IGF1R: variants seen among roughly 807,000 people sequenced by gnomAD.
The protein encoded by IGF1R is insulin-like growth factor 1 receptor.
Under a neutral mutation model 144.6 loss-of-function variants are expected in IGF1R, and 44 were observed. That is an observed-to-expected ratio of 0.30 (90% confidence interval 0.24 to 0.39). The LOEUF (loss-of-function observed/expected upper bound fraction) is 0.39. IGF1R is among the 10% of genes least tolerant of loss of function. The pLI is 1.00. For synonymous variants in IGF1R, 795 were observed against 722.8 expected, an observed-to-expected ratio of 1.10 and a Z score of -1.60; for missense variants, 1,355 against 1,833.7, an observed-to-expected ratio of 0.74 and a Z score of 4.77.
intron 2 of IGF1R, among the ~76,000 whole-genome samples, chr15:98,872,794 G>A (rs562317431): frequency 6.6e-6 from 1 of 151,668 alleles, no homozygotes. Flanking sequence ...AGCAGAGGAT[G>A]AACTTAAGCA....
At position 98,793,084 on chromosome 15, in the gene IGF1R, A is replaced by G. The variant is rs143961505; in HGVS notation, c.640+84977A>G. 3.6e-3 allele frequency among the ~76,000 whole-genome samples: 541 copies of G among 152,298 alleles called. 7 individuals are homozygous for G. Among genetic ancestry groups the G allele is most frequent in the African/African-American group, 0.012 (512 of 41,564 alleles). On this transcript the variant is annotated intron_variant, in intron 2 of 20. Coordinates refer to ENST00000650285, the MANE Select transcript of IGF1R (RefSeq NM_000875.5). ...GCAAGAGAACCTCCAGGGCCTGGCCACTGTTAGATATTACTAATCTGTGAA... is the reference window on the plus strand; with the variant it reads ...GCAAGAGAACCTCCAGGGCCTGGCCGCTGTTAGATATTACTAATCTGTGAA...
At chr15:98,702,825 C>T (rs1260091799) in intron 1 of IGF1R, among the ~76,000 whole-genome samples, 1 of 152,006 alleles carries the variant, frequency 6.6e-6, no homozygotes, top group African/African-American at 2.4e-5. Context: ...GTGGTCCCAG[C>T]TGCTTGGGAG....
intron 2 of IGF1R, among the ~76,000 whole-genome samples, chr15:98,724,012 C>G (rs2054304761): frequency 6.6e-6 from 1 of 152,014 alleles, no homozygotes; most frequent in Non-Finnish European, 1.5e-5. Flanking sequence ...GCAGTTTAGG[C>G]CAATCCATTT....
At chr15:98,806,797 A>G (rs2056481410) in intron 2 of IGF1R, among the ~76,000 whole-genome samples, 1 of 152,214 alleles carries the variant, frequency 6.6e-6, no homozygotes, top group Admixed American at 6.5e-5. Flanking sequence ...CCATACATCC[A>G]TAAAACATTG....
At chr15:98,936,847 G>C (rs1284649460) in intron 17 of IGF1R, among the ~76,000 whole-genome samples, 1 of 151,980 alleles carries the variant, frequency 6.6e-6, no homozygotes, top group African/African-American at 2.4e-5. Flanking sequence ...GCCTCTTCCT[G>C]GTTCACTCAC....
Position 98,963,034 on chromosome 15 carries a change from T to A in IGF1R, c.*5592T>A, listed in dbSNP as rs2017285264. 8.6e-6 allele frequency: 2 copies of A among 233,714 alleles called. No individual in the cohort carries two copies. The highest frequency in any genetic ancestry group is 1.2e-4 in the East Asian group (2 of 16,592). 14.5% of individuals were successfully genotyped at this position (233,714 alleles called of 1,614,324 possible). A position where few individuals can be genotyped will look rare whatever the true frequency, so the allele number is the denominator to read the frequency against. ...TAGCGTTTTCAATAGGGCTCTTAAGTCCAGTAGATTACGGGTAGTCAGTTG... is the reference window on the plus strand; with the variant it reads ...TAGCGTTTTCAATAGGGCTCTTAAGACCAGTAGATTACGGGTAGTCAGTTG... On this transcript the variant is annotated 3_prime_UTR_variant, in exon 21 of 21. Coordinates refer to ENST00000650285, the MANE Select transcript of IGF1R (RefSeq NM_000875.5).
At chr15:98,773,163 T>C (rs1426154734) in intron 2 of IGF1R, among the ~76,000 whole-genome samples, 1 of 152,166 alleles carries the variant, frequency 6.6e-6, no homozygotes, top group African/African-American at 2.4e-5. Context: ...CTTTTTTGTT[T>C]TGTTTCTATA....
chr15:98,745,136 G>A (rs561086630), intron 2 of IGF1R, among the ~76,000 whole-genome samples: 1 of 152,328 alleles, frequency 6.6e-6, no homozygotes, highest in Admixed American at 6.5e-5. Context: ...AGCTAATATA[G>A]GGAGAAGGAA....
chr15:98,911,732 GC>G (rs1406308610), intron 7 of IGF1R, among the ~76,000 whole-genome samples: 3 of 152,186 alleles, frequency 2.0e-5, no homozygotes, highest in Non-Finnish European at 2.9e-5. Flanking sequence ...GGGAAAGCTT[GC>G]TTTTTCCAGA....
At chr15:98,720,336 TA>T (rs2054218040) in intron 2 of IGF1R, among the ~76,000 whole-genome samples, 1 of 152,242 alleles carries the variant, frequency 6.6e-6, no homozygotes, top group Non-Finnish European at 1.5e-5. Flanking sequence ...TGGCCTCTTC[TA>T]CTGACTTTCC....
intron 11 of IGF1R, among the ~76,000 whole-genome samples, chr15:98,922,906 A>G (rs1303990978): frequency 2.6e-5 from 4 of 152,172 alleles, no homozygotes; most frequent in African/African-American, 9.7e-5. Context: ...GTTGTTAGAC[A>G]CTGCCTGTCA....
chr15:98,907,832 TC>T (rs1157982455), intron 5 of IGF1R, among the ~76,000 whole-genome samples: 1 of 152,206 alleles, frequency 6.6e-6, no homozygotes. Context: ...TGGGCTTTGG[TC>T]CTCCACCACC....
intron 1 of IGF1R, among the ~76,000 whole-genome samples, chr15:98,685,540 C>G (rs1417662266): frequency 1.3e-5 from 2 of 152,234 alleles, no homozygotes; most frequent in Non-Finnish European, 2.9e-5. Context: ...CTGGGCACCT[C>G]TTCCTCTGTG....
chr15:98,679,506 C>T (rs535742995), intron 1 of IGF1R, among the ~76,000 whole-genome samples: 319 of 152,240 alleles, frequency 2.1e-3, no homozygotes, highest in Non-Finnish European at 3.4e-3. Context: ...AGTGCTGTCC[C>T]CTAGGGATAT....
rs527929313 is a variant in IGF1R at position 98,772,048 on chromosome 15, C to T, written c.640+63941C>T. Among the ~76,000 whole-genome samples, 97 of 152,260 alleles carry T rather than the reference C, an allele frequency of 6.4e-4. 1 individual carries two copies. The highest frequency in any genetic ancestry group is 1.7e-3 in the Admixed American group (26 of 15,304). On this transcript the variant is annotated intron_variant, in intron 2 of 20. Coordinates refer to ENST00000650285, the MANE Select transcript of IGF1R (RefSeq NM_000875.5). ...GCACAGCTGAGCTCTAAAGTGCATACATCCCTTAAGTTCTCATACACACAC... is the reference window on the plus strand; with the variant it reads ...GCACAGCTGAGCTCTAAAGTGCATATATCCCTTAAGTTCTCATACACACAC...
At chr15:98,956,628 C>T (rs113164992) in intron 20 of IGF1R, among the ~76,000 whole-genome samples, 1 of 152,304 alleles carries the variant, frequency 6.6e-6, no homozygotes, top group African/African-American at 2.4e-5. Flanking sequence ...GGTCACTCAT[C>T]AGCCTTCCTG....
At chr15:98,841,610 C>T (rs2011175791) in intron 2 of IGF1R, among the ~76,000 whole-genome samples, 1 of 152,126 alleles carries the variant, frequency 6.6e-6, no homozygotes, top group African/African-American at 2.4e-5. Context: ...GTTGGTACAT[C>T]CTGACTGGGT....
At chr15:98,719,125 C>T (rs979526658) in intron 2 of IGF1R, among the ~76,000 whole-genome samples, 2 of 152,100 alleles carry the variant, frequency 1.3e-5, no homozygotes, top group Non-Finnish European at 2.9e-5. Context: ...TGTAATACGT[C>T]GATACTACTT....
intron 2 of IGF1R, among the ~76,000 whole-genome samples, chr15:98,787,874 G>T (rs2056035166): frequency 6.6e-6 from 1 of 152,144 alleles, no homozygotes; most frequent in Non-Finnish European, 1.5e-5. Flanking sequence ...GTGCCTGGAG[G>T]CCCTTTGTGG....
Sources: gnomAD v4.1 joint callset for allele counts (sites outside exome capture counted in the v4.1 genomes callset) on GRCh38, gnomAD v4.1.1 for gene constraint, MANE v1.5 for transcripts, NCBI Gene and HGNC (gene_info 2026-07-23, HGNC 2026-07-21) for gene names.